CCNL2: variants seen among roughly 807,000 people sequenced by gnomAD.
CCNL2 encodes the protein cyclin L2, also known as cyclin-L2.
Under a neutral mutation model 59.1 loss-of-function variants are expected in CCNL2, and 28 were observed. That is an observed-to-expected ratio of 0.47 (90% confidence interval 0.35 to 0.65). The LOEUF is 0.65. CCNL2 is among the 30% of genes least tolerant of loss of function. The pLI is 0.00. For synonymous variants in CCNL2, 342 were observed against 288.6 expected, an observed-to-expected ratio of 1.19 and a Z score of -1.88; for missense variants, 714 against 717.4, an observed-to-expected ratio of 1.00 and a Z score of 0.05.
chr1:1,398,349 C>G lies in CCNL2; in HGVS notation c.364-7G>C. On this transcript the variant is annotated splice_polypyrimidine_tract_variant and splice_region_variant and intron_variant, in intron 2 of 10. Transcript: ENST00000400809. The stretch of plus-strand genomic sequence containing the variant: ...CACAGGCCATTGACACATGCTGAAG[C>G]GGAAGCATTGCAACACGCCCATGTT... 1 of 1,614,010 alleles carries G rather than the reference C, an allele frequency of 6.2e-7. No homozygotes were observed. Among genetic ancestry groups the G allele is most frequent in the Non-Finnish European group, 8.5e-7 (1 of 1,179,982 alleles).
In CCNL2 at chr1:1,387,635, C is replaced by T. The variant is rs948004672; in HGVS notation, c.1212-53G>A. The T allele has an allele frequency of 3.5e-6, 5 of 1,413,274 alleles. No homozygotes were observed. The African/African-American group carries it at 7.2e-5, about 20-fold the overall frequency. 87.5% of individuals were successfully genotyped at this position (1,413,274 alleles called of 1,614,324 possible). On this transcript the variant is annotated intron_variant, in intron 10 of 10. Transcript: ENST00000400809. ...GTGTGACCATCTGGCCCGGCCAGGC[C>T]CCACACACCCACAGGAGCTCAGACA...
chr1:1,390,133 A>AAAAAT, intron 8 of CCNL2, 97 bp downstream of exon 8: 1 of 1,121,442 alleles, frequency 8.9e-7, no homozygotes, highest in Non-Finnish European at 1.3e-6. Flanking sequence ...AAAAAAAAAA[A>AAAAAT]TGTCTGGAAG....
chr1:1,390,687 G>T, intron 6 of CCNL2, 79 bp downstream of exon 6: 1 of 1,495,688 alleles, frequency 6.7e-7, no homozygotes, highest in Non-Finnish European at 9.3e-7. Context: ...GTAATTTGAA[G>T]AATAACACAG....
chr1:1,391,918 A>G (rs1298507646), intron 5 of CCNL2: 3 of 226,252 alleles, frequency 1.3e-5, no homozygotes, highest in Non-Finnish European at 2.7e-5. Context: ...GGAGCCTTGG[A>G]GTGGGGCTGC....
At chr1:1,393,632 G>A (rs1307269270) in intron 4 of CCNL2, among the ~76,000 whole-genome samples, 172 bp from the exon 5 acceptor site, 1 of 152,224 alleles carries the variant, frequency 6.6e-6, no homozygotes, top group East Asian at 1.9e-4. Context: ...TGCACCTGCT[G>A]TCTGCCTTGG....
Position 1,390,295 on chromosome 1 carries a change from C to G in CCNL2, c.941G>C (p.Gly314Ala). ...CACCTGTGTGCCCCCAGGCAACAGGCCCCGGGCTTGGGCCTTTGCCTCTTC... is the reference window on the plus strand; with the variant it reads ...CACCTGTGTGCCCCCAGGCAACAGGGCCCGGGCTTGGGCCTTTGCCTCTTC... ...AIEEAKAQAR[G>A]LLPGGTQVLD... is the part of the protein sequence containing the mutation. Residue 314 changes from glycine to alanine, a missense_variant, in exon 8 of 11, where the codon GGC becomes GCC. Physicochemically the swap from Gly to Ala is moderately conservative, Grantham distance 60. Around this residue, in one of 5 missense-constraint regions of CCNL2, gnomAD observed 403 missense variants for 377.7 expected, o/e 1.07. Transcript: ENST00000400809. 1 of 1,613,894 alleles carries G rather than the reference C, an allele frequency of 6.2e-7. No individual in the cohort carries two copies. The highest frequency in any genetic ancestry group is 8.5e-7 in the Non-Finnish European group (1 of 1,179,836).
rs1429383358 is a variant in CCNL2, at chr1:1,391,671, C to T, written c.660-806G>A. 13 of 661,282 alleles carry T rather than the reference C, an allele frequency of 2.0e-5. No individual in the cohort carries two copies. In the East Asian group the frequency reaches 8.7e-4, roughly 44 times the overall value. 41.0% of individuals were successfully genotyped at this position (661,282 alleles called of 1,614,324 possible). ...TAATACTGAACATTTCATCACAGTA[C>T]ATTCTTTAACTTTCATATTTAGAAG... On this transcript the variant is annotated intron_variant, in intron 5 of 10. Coordinates refer to ENST00000400809, the MANE Select transcript of CCNL2 (RefSeq NM_030937.6).
Position 1,386,082 on chromosome 1 carries a change from G to A in CCNL2, c.*1149C>T, listed in dbSNP as rs567768514. The A allele has an allele frequency of 1.3e-5, 2 of 152,378 alleles. No individual in the cohort carries two copies. Among genetic ancestry groups the A allele is most frequent in the African/African-American group, 4.8e-5 (2 of 41,570 alleles). The allele number at this position is 152,378 out of a possible 1,614,324, so 9.4% of individuals were successfully genotyped here. On this transcript the variant is annotated 3_prime_UTR_variant, in exon 11 of 11. Transcript: ENST00000400809. ...CCCTAGTCCCCAAAACCAAAACTGT[G>A]TCCACGGTAAGAGGCAGCTGATGAC...
rs1344825574 is a variant in CCNL2, at chr1:1,398,618, G to A, written c.342C>T (p.Ser114=). The change falls in exon 2 of 11, where the codon TCC becomes TCT. Residue 114 remains serine (S), a synonymous_variant. Transcript: ENST00000400809. ...TTACCTCCATGGAGTGCTTCACGAA[G>A]GACTTGGTATAAAAGAACCGCTGGA... ...VLFQRFFYTK[S]FVKHSMEHVS... is the part of the protein sequence containing the mutation. 13 of 1,614,004 alleles carry A rather than the reference G, an allele frequency of 8.1e-6. No homozygotes were observed. The highest frequency in any genetic ancestry group is 1.7e-5 in the Admixed American group (1 of 60,034).
chr1:1,399,205 C>T lies in CCNL2; in HGVS notation c.102G>A (p.Gly34=), dbSNP rs1353708661. The T allele has an allele frequency of 1.2e-6, 2 of 1,606,300 alleles. No homozygotes were observed. Among genetic ancestry groups the T allele is most frequent in the Non-Finnish European group, 1.7e-6 (2 of 1,177,494 alleles). Reference sequence around the variant, plus strand: ...AGTACAGCCTGTCCCCGATCAGCACCCCCTGCGACCCTGAGGGTGCGCCCC... The same window carrying T: ...AGTACAGCCTGTCCCCGATCAGCACTCCCTGCGACCCTGAGGGTGCGCCCC... ...GSGGAPSGSQ[G]VLIGDRLYSG... Residue 34 remains glycine, a synonymous_variant, in exon 1 of 11, where the codon GGG becomes GGA. Transcript: ENST00000400809.
chr1:1,399,291 C>CCGT lies in CCNL2; in HGVS notation c.15_16insACG (p.Ala5_Ala6insThr). 1 of 1,451,854 alleles carries CCGT rather than the reference C, an allele frequency of 6.9e-7. No individual in the cohort carries two copies. The highest frequency in any genetic ancestry group is 9.0e-7 in the Non-Finnish European group (1 of 1,109,742). 89.9% of individuals were successfully genotyped at this position (1,451,854 alleles called of 1,614,324 possible). A position where few individuals can be genotyped will look rare whatever the true frequency, so the allele number is the denominator to read the frequency against. On this transcript the variant is annotated inframe_insertion, in exon 1 of 11. Coordinates refer to ENST00000400809, the MANE Select transcript of CCNL2 (RefSeq NM_030937.6). ...GCCGACCCTGCAGCACCAGCCGCCGCCGCCGCCGCCGCCATTTTGTGCCGC... is the reference window on the plus strand; with the variant it reads ...GCCGACCCTGCAGCACCAGCCGCCGCCGTCGCCGCCGCCGCCATTTTGTGCCGC...
At position 1,387,559 on chromosome 1, in the gene CCNL2, G is replaced by A; in HGVS notation, c.1235C>T (p.Ser412Phe). Residue 412 changes from serine (S) to phenylalanine (F), a missense_variant, in exon 11 of 11, where the codon TCT (serine) becomes TTT (phenylalanine). Physicochemically the swap from Ser to Phe is radical, Grantham distance 155. Coordinates refer to ENST00000400809, the MANE Select transcript of CCNL2 (RefSeq NM_030937.6). ...KRRKSDSGST[S>F]GGSKSQSRSR... The stretch of plus-strand genomic sequence containing the variant: ...GCGGCTCTGCGACTTGGACCCACCA[G>A]ATGTGGAGCCGCTGTCACTTTTCCT... The A allele has an allele frequency of 1.3e-6, 2 of 1,508,384 alleles. No individual in the cohort carries two copies. The highest frequency in any genetic ancestry group is 1.8e-6 in the Non-Finnish European group (2 of 1,129,794). 93.4% of individuals were successfully genotyped at this position (1,508,384 alleles called of 1,614,324 possible). A position where few individuals can be genotyped will look rare whatever the true frequency, so the allele number is the denominator to read the frequency against.
Position 1,390,440 on chromosome 1 carries a change from T to A in CCNL2, c.864+19A>T. On this transcript the variant is annotated intron_variant, in intron 7 of 10. Coordinates refer to ENST00000400809, the MANE Select transcript of CCNL2 (RefSeq NM_030937.6). ...GCCAAACACAAACGCATACGTTACA[T>A]GAAAAAATGCCGAAGAACCTTTTTC... 4 of 1,612,402 alleles carry A rather than the reference T, an allele frequency of 2.5e-6. No homozygotes were observed. In the East Asian group the frequency reaches 6.7e-5, roughly 27 times the overall value.
At chr1:1,397,621 G>C (rs1008725821) in intron 3 of CCNL2, among the ~76,000 whole-genome samples, 1 of 152,174 alleles carries the variant, frequency 6.6e-6, no homozygotes, top group Admixed American at 6.5e-5. Context: ...CAGTGCTTTG[G>C]GAGGCTAAGG....
intron 8 of CCNL2, 39 bp downstream of exon 8, chr1:1,390,191 C>T (rs1644687412): frequency 6.4e-7 from 1 of 1,569,530 alleles, no homozygotes; most frequent in Non-Finnish European, 8.7e-7. Context: ...CAGTCTTTGC[C>T]TTTGTGGGGA....
chr1:1,395,164 AAAT>A (rs1320944013), intron 4 of CCNL2: 20 of 470,994 alleles, frequency 4.2e-5, no homozygotes, highest in Middle Eastern at 1.1e-3. Flanking sequence ...GCCCAAACTT[AAAT>A]AATACCATTT....
intron 3 of CCNL2, among the ~76,000 whole-genome samples, chr1:1,396,375 T>G (rs1259493311): frequency 6.7e-6 from 1 of 149,240 alleles, no homozygotes; most frequent in African/African-American, 2.5e-5. Flanking sequence ...CAAGCAATTC[T>G]CCTGCCTCAG....
intron 8 of CCNL2, among the ~76,000 whole-genome samples, chr1:1,389,742 G>A (rs186220525): frequency 7.2e-5 from 11 of 152,096 alleles, no homozygotes; most frequent in East Asian, 3.9e-4. Flanking sequence ...GGCAGATCAC[G>A]AGGTCAGGAG....
At chr1:1,390,902 C>T in intron 5 of CCNL2, 37 bp from the exon 6 acceptor site, 2 of 1,549,038 alleles carry the variant, frequency 1.3e-6, no homozygotes, top group Non-Finnish European at 1.8e-6. Flanking sequence ...CAATGCCCCA[C>T]CCGGGAACCC....
Sources: allele counts gnomAD v4.1 joint callset (sites outside exome capture counted in the v4.1 genomes callset), GRCh38; gene constraint gnomAD v4.1.1; regional missense constraint gnomAD v4.1.1; transcripts MANE v1.5; gene names NCBI Gene and HGNC (gene_info 2026-07-23, HGNC 2026-07-21).